COL25A1: variants seen among roughly 807,000 people sequenced by gnomAD.
COL25A1 encodes the protein collagen alpha-1(XXV) chain.
Under a neutral mutation model 128.4 loss-of-function variants are expected in COL25A1, and 103 were observed. The observed-to-expected ratio is 0.80, with a 90% CI of 0.68 to 0.94. The LOEUF (loss-of-function observed/expected upper bound fraction) is 0.94. Ranked by LOEUF, COL25A1 falls within the 40% of genes least tolerant of loss-of-function variation. The pLI, the probability that COL25A1 is intolerant of heterozygous loss-of-function variation, is 0.00. For synonymous variants in COL25A1, 279 were observed against 277.2 expected, an observed-to-expected ratio of 1.01 and a Z score of -0.06; for missense variants, 745 against 840.0, an observed-to-expected ratio of 0.89 and a Z score of 1.40.
intron 19 of COL25A1, among the ~76,000 whole-genome samples, chr4:108,872,140 C>G (rs143153208): frequency 6.6e-5 from 10 of 152,126 alleles, no homozygotes; most frequent in Non-Finnish European, 1.3e-4. Context: ...ATAGGCCAGG[C>G]GTGGTGGCTC....
At chr4:109,116,073 T>A (rs1313698888) in intron 3 of COL25A1, among the ~76,000 whole-genome samples, 1 of 151,948 alleles carries the variant, frequency 6.6e-6, no homozygotes, top group Admixed American at 6.6e-5. Context: ...AGTGCCAGGA[T>A]AGGAAAACCC....
intron 3 of COL25A1, among the ~76,000 whole-genome samples, chr4:109,098,989 A>G (rs1001699069): frequency 2.0e-5 from 3 of 152,226 alleles, no homozygotes; most frequent in African/African-American, 7.2e-5. Context: ...CTCCTTATCT[A>G]CAAAATAGCT....
chr4:109,223,349 G>A (rs527919479), intron 3 of COL25A1, among the ~76,000 whole-genome samples: 1 of 152,110 alleles, frequency 6.6e-6, no homozygotes, highest in South Asian at 2.1e-4. Flanking sequence ...AGAAAGTTGG[G>A]ATGCATTTTT....
intron 3 of COL25A1, among the ~76,000 whole-genome samples, chr4:109,104,416 C>CTCTCTCTG (rs1337267739): frequency 6.6e-6 from 1 of 151,632 alleles, no homozygotes; most frequent in Non-Finnish European, 1.5e-5. Flanking sequence ...CTCTCTCTCT[C>CTCTCTCTG]TCTTTTTTGC....
Position 109,262,055 on chromosome 4 carries a change from G to T in COL25A1, c.367+38528C>A, listed in dbSNP as rs976604901. On this transcript the variant is annotated intron_variant, in intron 3 of 37. Coordinates refer to ENST00000399132, the MANE Select transcript of COL25A1 (RefSeq NM_198721.4). ...GTTGTTTCCGTTTCATTCCCCTAAA[G>T]TAGGGCACTTTTCATCAATGCAAGA... 3.3e-5 allele frequency among the ~76,000 whole-genome samples: 5 copies of T among 151,898 alleles called. No homozygotes were observed. The South Asian group carries it at 1.0e-3, about 32-fold the overall frequency.
At position 109,257,896 on chromosome 4, in the gene COL25A1, T is replaced by A. The variant is rs534399587; in HGVS notation, c.367+42687A>T. On this transcript the variant is annotated intron_variant, in intron 3 of 37. Transcript: ENST00000399132. ...CAAAATTTAACAATGGTCACCAACA[T>A]GGAGAAGGAAAGAGAATTTCAAAGG... is the stretch of plus-strand genomic sequence containing the variant. Among the ~76,000 whole-genome samples, 11 of 152,260 alleles carry A rather than the reference T, an allele frequency of 7.2e-5. No individual in the cohort carries two copies. The South Asian group carries it at 2.3e-3, about 32-fold the overall frequency.
chr4:109,019,371 C>CATATAT (rs1183525991), intron 5 of COL25A1, among the ~76,000 whole-genome samples: 2 of 8,940 alleles, frequency 2.2e-4, no homozygotes, highest in African/African-American at 2.6e-3. Flanking sequence ...CACACACACA[C>CATATAT]ACACATATAT....
At chr4:109,296,097 C>T (rs951524769) in intron 3 of COL25A1, among the ~76,000 whole-genome samples, 1 of 152,064 alleles carries the variant, frequency 6.6e-6, no homozygotes, top group East Asian at 1.9e-4. Flanking sequence ...ATCCTCCTGT[C>T]TACAACAACC....
rs959692564 is a variant in COL25A1 at position 109,116,194 on chromosome 4, G to C, written c.368-66015C>G. ...CACACTTTTGTGAGTTTTATCTCTAGGAGCTCTGCCAGGGGCTCGCAGTGA... is the reference window on the plus strand; with the variant it reads ...CACACTTTTGTGAGTTTTATCTCTACGAGCTCTGCCAGGGGCTCGCAGTGA... On this transcript the variant is annotated intron_variant, in intron 3 of 37. Coordinates refer to ENST00000399132, the MANE Select transcript of COL25A1 (RefSeq NM_198721.4). Among the ~76,000 whole-genome samples, 7 of 152,018 alleles carry C rather than the reference G, an allele frequency of 4.6e-5. 1 individual carries two copies. Among genetic ancestry groups the C allele is most frequent in the Non-Finnish European group, 1.0e-4 (7 of 67,968 alleles).
At chr4:109,300,480 A>G in intron 3 of COL25A1, 103 bp downstream of exon 3, 1 of 760,150 alleles carries the variant, frequency 1.3e-6, no homozygotes, top group South Asian at 1.7e-5. Context: ...TTGGGTCTGC[A>G]TTCTTTCTTT....
chr4:109,009,045 C>A (rs1400192302), intron 6 of COL25A1, among the ~76,000 whole-genome samples: 2 of 152,102 alleles, frequency 1.3e-5, no homozygotes, highest in African/African-American at 4.8e-5. Flanking sequence ...TCACTTGAAC[C>A]CGGGAGGCGG....
chr4:109,175,088 T>C (rs1372764357), intron 3 of COL25A1, among the ~76,000 whole-genome samples: 1 of 152,150 alleles, frequency 6.6e-6, no homozygotes, highest in African/African-American at 2.4e-5. Flanking sequence ...CTCCCATCTG[T>C]GTAAAAGTTG....
At chr4:109,186,547 T>G (rs971219073) in intron 3 of COL25A1, among the ~76,000 whole-genome samples, 1 of 152,138 alleles carries the variant, frequency 6.6e-6, no homozygotes, top group African/African-American at 2.4e-5. Flanking sequence ...CTCGAGAATC[T>G]AAGAATGTTC....
intron 6 of COL25A1, among the ~76,000 whole-genome samples, chr4:109,008,856 C>T (rs2126042370): frequency 6.6e-6 from 1 of 152,232 alleles, no homozygotes; most frequent in African/African-American, 2.4e-5. Flanking sequence ...TGGCTTATGC[C>T]TGTAATCCCA....
At chr4:109,057,736 G>A (rs1761585424) in intron 3 of COL25A1, among the ~76,000 whole-genome samples, 1 of 152,040 alleles carries the variant, frequency 6.6e-6, no homozygotes, top group Non-Finnish European at 1.5e-5. Flanking sequence ...CTCCTGTGGA[G>A]AGAGGTCAAT....
chr4:109,180,380 G>C (rs181092969), intron 3 of COL25A1, among the ~76,000 whole-genome samples: 2 of 152,068 alleles, frequency 1.3e-5, no homozygotes, highest in East Asian at 3.9e-4. Context: ...AAACTCTAAA[G>C]GATAGTAAAG....
At chr4:109,276,687 G>C (rs1722884211) in intron 3 of COL25A1, among the ~76,000 whole-genome samples, 1 of 152,148 alleles carries the variant, frequency 6.6e-6, no homozygotes, top group African/African-American at 2.4e-5. Flanking sequence ...CAGTTAGTCA[G>C]TGTGGTCTAG....
chr4:108,893,085 G>C (rs1034729894), intron 16 of COL25A1, among the ~76,000 whole-genome samples: 4 of 152,182 alleles, frequency 2.6e-5, no homozygotes, highest in Non-Finnish European at 5.9e-5. Context: ...AAAAGGCTCA[G>C]AGGATGCAAG....
rs376373259 is a variant in COL25A1 at position 108,886,960 on chromosome 4, A to C, written c.975+2261T>G. 2.0e-4 allele frequency among the ~76,000 whole-genome samples: 30 copies of C among 152,132 alleles called. 4 individuals are homozygous for C. Among genetic ancestry groups the C allele is most frequent in the Admixed American group, 1.3e-3 (20 of 15,268 alleles). ...TAGGAGATCAATTTTACTCCTCTAAAATTAAAATATTTATTTTTAAAAGAT... is the reference window on the plus strand; with the variant it reads ...TAGGAGATCAATTTTACTCCTCTAACATTAAAATATTTATTTTTAAAAGAT... On this transcript the variant is annotated intron_variant, in intron 18 of 37. Transcript: ENST00000399132.
Sources: allele counts gnomAD v4.1 joint callset (sites outside exome capture counted in the v4.1 genomes callset), GRCh38; gene constraint gnomAD v4.1.1; transcripts MANE v1.5; gene names NCBI Gene and HGNC (gene_info 2026-07-23, HGNC 2026-07-21).